The following KIAA0825 variants were observed in gnomAD, a reference collection of about 807,000 sequenced individuals.
KIAA0825 encodes the protein KIAA0825.
Under a neutral mutation model 147.6 loss-of-function variants are expected in KIAA0825, and 119 were observed. The ratio of observed to expected loss-of-function variants is 0.81; its 90% CI spans 0.69 to 0.94. The LOEUF is 0.94. Among genes scored for constraint, KIAA0825 ranks in the 40% least tolerant of loss-of-function variants. The probability of loss-of-function intolerance (pLI) is 0.00; values close to 1 mark genes in which losing one functional copy is unlikely to be tolerated. For missense variants in KIAA0825, 1,381 were observed against 1,472.7 expected, an observed-to-expected ratio of 0.94 and a Z score of 1.02; for synonymous variants, 470 against 518.1, an observed-to-expected ratio of 0.91 and a Z score of 1.26.
At chr5:94,311,742 A>T (rs1779204932) in intron 20 of KIAA0825, among the ~76,000 whole-genome samples, 1 of 151,742 alleles carries the variant, frequency 6.6e-6, no homozygotes, top group South Asian at 2.1e-4. Context: ...TTACGAGCCA[A>T]TCCAACATCA....
intron 12 of KIAA0825, among the ~76,000 whole-genome samples, chr5:94,462,006 T>C (rs1051861841): frequency 3.3e-5 from 5 of 151,956 alleles, no homozygotes; most frequent in Non-Finnish European, 7.4e-5. Flanking sequence ...CATTGCTAGT[T>C]GAGGTATATC....
At chr5:94,215,631 G>A (rs557476480) in intron 20 of KIAA0825, among the ~76,000 whole-genome samples, 59 of 152,176 alleles carry the variant, frequency 3.9e-4, no homozygotes, top group Non-Finnish European at 6.2e-4. Context: ...CTTGCTTTCT[G>A]TATTTCTCTC....
At position 94,396,130 on chromosome 5, in the gene KIAA0825, C is replaced by T; in HGVS notation, c.3267G>A (p.Leu1089=). 6.7e-7 allele frequency: 1 copy of T among 1,500,714 alleles called. No individual in the cohort carries two copies. The allele number at this position is 1,500,714 out of a possible 1,614,324, so 93.0% of individuals were successfully genotyped here. ...QQKPNWIERQ[L]LKARKLSTEC... Reference sequence around the variant, plus strand: ...CAGTGCTCAGTTTCCTTGCTTTCAACAATTGACGTTCAATCCAGTTGGGCT... The same window carrying T: ...CAGTGCTCAGTTTCCTTGCTTTCAATAATTGACGTTCAATCCAGTTGGGCT... Residue 1089 remains leucine, a synonymous_variant, in exon 17 of 21, where the codon TTG becomes TTA. Transcript: ENST00000682413.
At chr5:94,163,200 G>A (rs1767732492) in intron 20 of KIAA0825, among the ~76,000 whole-genome samples, 1 of 152,108 alleles carries the variant, frequency 6.6e-6, no homozygotes. Flanking sequence ...TTTGGTACCT[G>A]ACTAGTATTT....
intron 20 of KIAA0825, among the ~76,000 whole-genome samples, chr5:94,254,797 A>G (rs1776157193): frequency 6.6e-6 from 1 of 151,986 alleles, no homozygotes; most frequent in Non-Finnish European, 1.5e-5. Context: ...ATCTCATTCC[A>G]TTGCGGTACC....
chr5:94,323,873 G>T (rs1780437754), intron 20 of KIAA0825, among the ~76,000 whole-genome samples: 1 of 151,916 alleles, frequency 6.6e-6, no homozygotes, highest in Non-Finnish European at 1.5e-5. Flanking sequence ...CCACCACCAT[G>T]CTAACAAGAC....
chr5:94,519,706 C>T lies in KIAA0825; in HGVS notation c.970+542G>A, dbSNP rs1225433651. On this transcript the variant is annotated intron_variant, in intron 5 of 20. Transcript: ENST00000682413. ...TTAGAATTGACTGACTAAAATATTA[C>T]AACTTTTAAATATCCAATTTTACTG... is the stretch of plus-strand genomic sequence containing the variant. 5.2e-6 allele frequency: 4 copies of T among 763,394 alleles called. No individual in the cohort carries two copies. The Admixed American group carries it at 2.5e-4, about 48-fold the overall frequency. 47.3% of individuals were successfully genotyped at this position (763,394 alleles called of 1,614,324 possible). A position where few individuals can be genotyped will look rare whatever the true frequency, so the allele number is the denominator to read the frequency against.
intron 3 of KIAA0825, among the ~76,000 whole-genome samples, chr5:94,529,870 T>C (rs564947230): frequency 8.5e-5 from 13 of 152,344 alleles, no homozygotes; most frequent in Non-Finnish European, 1.9e-4. Flanking sequence ...TTATTGACTA[T>C]CTTCTAGCCT....
intron 14 of KIAA0825, among the ~76,000 whole-genome samples, chr5:94,429,611 C>T (rs886925454): frequency 2.0e-5 from 3 of 152,142 alleles, no homozygotes; most frequent in African/African-American, 7.2e-5. Flanking sequence ...TCTGTTACCT[C>T]AGGCAATGGG....
At chr5:94,219,404 C>T (rs974072397) in intron 20 of KIAA0825, among the ~76,000 whole-genome samples, 2 of 152,146 alleles carry the variant, frequency 1.3e-5, no homozygotes, top group Non-Finnish European at 2.9e-5. Context: ...TCCCCAAGAG[C>T]CCATGGACCA....
chr5:94,555,207 T>C (rs1454012713), intron 2 of KIAA0825, among the ~76,000 whole-genome samples: 1 of 152,170 alleles, frequency 6.6e-6, no homozygotes, highest in Non-Finnish European at 1.5e-5. Flanking sequence ...AGTTGAGATT[T>C]TAATGTTTTA....
At chr5:94,441,715 A>G (rs1012318412) in intron 13 of KIAA0825, among the ~76,000 whole-genome samples, 2 of 152,142 alleles carry the variant, frequency 1.3e-5, no homozygotes, top group Non-Finnish European at 2.9e-5. Context: ...CTCATCTTAG[A>G]CTTTCAGCCT....
chr5:94,459,460 G>A (rs1305772675), intron 12 of KIAA0825, among the ~76,000 whole-genome samples: 1 of 152,072 alleles, frequency 6.6e-6, no homozygotes, highest in Admixed American at 6.6e-5. Context: ...GGTAGGAAAA[G>A]CAAAGGCCTA....
chr5:94,499,883 T>C (rs940829389), intron 5 of KIAA0825, among the ~76,000 whole-genome samples: 1 of 152,128 alleles, frequency 6.6e-6, no homozygotes, highest in Admixed American at 6.5e-5. Flanking sequence ...GATATGTTGA[T>C]AGAATATGCT....
At chr5:94,508,073 T>G (rs937833071) in intron 5 of KIAA0825, among the ~76,000 whole-genome samples, 2 of 152,190 alleles carry the variant, frequency 1.3e-5, no homozygotes, top group African/African-American at 4.8e-5. Flanking sequence ...AATGATATCC[T>G]TAGTTTTATA....
chr5:94,546,877 C>T (rs1472633182), intron 2 of KIAA0825, among the ~76,000 whole-genome samples: 2 of 148,604 alleles, frequency 1.3e-5, no homozygotes, highest in East Asian at 3.9e-4. Flanking sequence ...AAATAAGGCA[C>T]CAGAGACCAA....
chr5:94,182,666 A>AT (rs1035444927), intron 20 of KIAA0825, among the ~76,000 whole-genome samples: 9 of 151,788 alleles, frequency 5.9e-5, no homozygotes, highest in Non-Finnish European at 1.3e-4. Context: ...TTTTATGATA[A>AT]TTTTTTTCCT....
At chr5:94,426,020 G>GTATTATTATTATTATTATTAT (rs148552259) in intron 14 of KIAA0825, among the ~76,000 whole-genome samples, 2 of 147,882 alleles carry the variant, frequency 1.4e-5, no homozygotes, top group African/African-American at 2.5e-5. Flanking sequence ...GATAATTTTT[G>GTATTATTATTATTATTATTAT]TATTATTATT....
chr5:94,344,788 A>G (rs1782807046), intron 20 of KIAA0825, among the ~76,000 whole-genome samples: 1 of 152,220 alleles, frequency 6.6e-6, no homozygotes, highest in Admixed American at 6.5e-5. Flanking sequence ...TGAAGATATC[A>G]TGCTGAAAGA....
Sources: allele counts gnomAD v4.1 joint callset (sites outside exome capture counted in the v4.1 genomes callset), GRCh38; gene constraint gnomAD v4.1.1; transcripts MANE v1.5; gene names NCBI Gene and HGNC (gene_info 2026-07-23, HGNC 2026-07-21).